SNX29: variants seen among roughly 807,000 people sequenced by gnomAD.
The protein encoded by SNX29 is sorting nexin 29.
A neutral mutation model predicts 102.1 loss-of-function variants in SNX29; 78 were observed. The ratio of observed to expected loss-of-function variants is 0.76; its 90% CI spans 0.64 to 0.92. The LOEUF (loss-of-function observed/expected upper bound fraction) is 0.92. Ranked by LOEUF, SNX29 falls within the 40% of genes least tolerant of loss-of-function variation. The probability of loss-of-function intolerance (pLI) is 0.00; values close to 1 mark genes in which losing one functional copy is unlikely to be tolerated. For missense variants in SNX29, 1,280 were observed against 1,061.7 expected (o/e 1.21, Z -2.86); for synonymous variants, 580 against 414.5 (o/e 1.40, Z -4.85).
rs1440923020 is a variant in SNX29 at position 12,550,460 on chromosome 16, G to GGGAGGT, written c.2319-18039_2319-18034dup. On this transcript the variant is annotated intron_variant, in intron 20 of 20. Transcript: ENST00000566228. ...TGAGGCAGGAGAATCACTTAAACCCGGGAGGTGGAGGTTGGAGTGAGCTGA... is the reference window on the plus strand; with the variant it reads ...TGAGGCAGGAGAATCACTTAAACCCGGGAGGTGGAGGTGGAGGTTGGAGTGAGCTGA... Among the ~76,000 whole-genome samples the GGGAGGT allele has an allele frequency of 1.1e-4, 17 of 151,798 alleles. No individual in the cohort carries two copies. In the East Asian group the frequency reaches 3.3e-3, roughly 30 times the overall value.
intron 16 of SNX29, among the ~76,000 whole-genome samples, chr16:12,378,552 G>A (rs773291143): frequency 2.0e-5 from 3 of 152,208 alleles, no homozygotes; most frequent in Non-Finnish European, 4.4e-5. Context: ...AAGAGGGTGA[G>A]TCAGGAGAAT....
intron 19 of SNX29, among the ~76,000 whole-genome samples, chr16:12,503,208 G>A (rs2089209696): frequency 6.6e-6 from 1 of 152,024 alleles, no homozygotes; most frequent in Non-Finnish European, 1.5e-5. Context: ...ACTCCTTCCA[G>A]TTCGTCCTCC....
intron 18 of SNX29, among the ~76,000 whole-genome samples, chr16:12,472,529 C>CAAAAAAAAAAAAAACAAAAAAAAAAAAA (rs1488378675): frequency 1.4e-5 from 1 of 72,940 alleles, no homozygotes; most frequent in Non-Finnish European, 3.3e-5. Context: ...AAAAAAAAAC[C>CAAAAAAAAAAAAAACAAAAAAAAAAAAA]AAAAAAAAAA....
Position 12,537,306 on chromosome 16 carries a change from T to G in SNX29, c.2318+12465T>G, listed in dbSNP as rs1285506266. ...AGTGTGGTACATGTTTGGATTTTAG[T>G]ATAGTGGCTAAGCCAAAGCTCTGTT... On this transcript the variant is annotated intron_variant, in intron 20 of 20. Coordinates refer to ENST00000566228, the MANE Select transcript of SNX29 (RefSeq NM_032167.5). 2.0e-5 allele frequency among the ~76,000 whole-genome samples: 3 copies of G among 152,228 alleles called. No homozygotes were observed. The East Asian group carries it at 5.8e-4, about 29-fold the overall frequency.
rs536460836 is a variant in SNX29, at chr16:12,547,986, G to T, written c.2319-20520G>T. Among the ~76,000 whole-genome samples, 4 of 152,216 alleles carry T rather than the reference G, an allele frequency of 2.6e-5. No individual in the cohort carries two copies. The South Asian group carries it at 6.2e-4, about 24-fold the overall frequency. The stretch of plus-strand genomic sequence containing the variant: ...CTTTTGGGAGACAGCATGGCACAGG[G>T]GTCTCGAGTGAACGTGGCATCCTGG... On this transcript the variant is annotated intron_variant, in intron 20 of 20. Transcript: ENST00000566228.
At chr16:12,231,591 G>T (rs539977257) in intron 14 of SNX29, among the ~76,000 whole-genome samples, 3 of 152,232 alleles carry the variant, frequency 2.0e-5, no homozygotes, top group Admixed American at 1.3e-4. Context: ...GTAAAATGCT[G>T]CAGGGAATGC....
At chr16:12,389,570 T>TA (rs1198933712) in intron 16 of SNX29, among the ~76,000 whole-genome samples, 8 of 152,306 alleles carry the variant, frequency 5.3e-5, no homozygotes, top group African/African-American at 1.9e-4. Flanking sequence ...CTTTCCTTTA[T>TA]AATTACCTTT....
chr16:12,571,692 G>C lies in SNX29; in HGVS notation c.*3063G>C, dbSNP rs552901073. 8 of 1,056,228 alleles carry C rather than the reference G, an allele frequency of 7.6e-6. No homozygotes were observed. Among genetic ancestry groups the C allele is most frequent in the Middle Eastern group, 4.2e-4 (1 of 2,368 alleles). 65.4% of individuals were successfully genotyped at this position (1,056,228 alleles called of 1,614,324 possible). Reference sequence around the variant, plus strand: ...TGGGCAGAGGTGTCTCTCCTTGAGAGACAACAAAAGCTTCTAAGGGAGGGA... The same window carrying C: ...TGGGCAGAGGTGTCTCTCCTTGAGACACAACAAAAGCTTCTAAGGGAGGGA... On this transcript the variant is annotated 3_prime_UTR_variant, in exon 21 of 21. Coordinates refer to ENST00000566228, the MANE Select transcript of SNX29 (RefSeq NM_032167.5).
At position 12,545,167 on chromosome 16, in the gene SNX29, C is replaced by CCCACCCCTTCCTTTTTT. The variant is rs1567685548; in HGVS notation, c.2318+20326_2318+20327insCCACCCCTTCCTTTTTT. Reference sequence around the variant, plus strand: ...TATGAAGTACAGACACTCTGCCAGCCGTCAGAGAAACAAATATGGTCAATA... The same window carrying CCCACCCCTTCCTTTTTT: ...TATGAAGTACAGACACTCTGCCAGCCCCACCCCTTCCTTTTTTGTCAGAGAAACAAATATGGTCAATA... On this transcript the variant is annotated intron_variant, in intron 20 of 20. Transcript: ENST00000566228. Among the ~76,000 whole-genome samples, 12 of 152,208 alleles carry CCCACCCCTTCCTTTTTT rather than the reference C, an allele frequency of 7.9e-5. No homozygotes were observed. In the South Asian group the frequency reaches 2.5e-3, roughly 32 times the overall value.
intron 13 of SNX29, among the ~76,000 whole-genome samples, chr16:12,162,116 A>G (rs2055811394): frequency 6.6e-6 from 1 of 152,136 alleles, no homozygotes; most frequent in Non-Finnish European, 1.5e-5. Context: ...GCTTTGACTG[A>G]AACACCAGGC....
chr16:12,455,851 C>T (rs1166317091), intron 18 of SNX29, among the ~76,000 whole-genome samples: 1 of 152,092 alleles, frequency 6.6e-6, no homozygotes, highest in Admixed American at 6.6e-5. Flanking sequence ...TTCCTGCTTG[C>T]CTTCTTGTTT....
chr16:12,568,706 A>G lies in SNX29; in HGVS notation c.*77A>G. ...CCCCAGCCACTGCCGCTGGCCCCTCACCTCAGCGTGACAACCACGTCCACC... is the reference window on the plus strand; with the variant it reads ...CCCCAGCCACTGCCGCTGGCCCCTCGCCTCAGCGTGACAACCACGTCCACC... On this transcript the variant is annotated 3_prime_UTR_variant, in exon 21 of 21. Transcript: ENST00000566228. 1 of 1,550,688 alleles carries G rather than the reference A, an allele frequency of 6.4e-7. No individual in the cohort carries two copies. The highest frequency in any genetic ancestry group is 8.7e-7 in the Non-Finnish European group (1 of 1,153,808).
chr16:12,009,538 C>T (rs1374987935), intron 3 of SNX29, among the ~76,000 whole-genome samples: 1 of 151,818 alleles, frequency 6.6e-6, no homozygotes, highest in Non-Finnish European at 1.5e-5. Flanking sequence ...ATGCTGCCAT[C>T]TTCACATGGA....
intron 11 of SNX29, among the ~76,000 whole-genome samples, chr16:12,086,583 A>G (rs1357874045): frequency 6.6e-6 from 1 of 151,732 alleles, no homozygotes; most frequent in Non-Finnish European, 1.5e-5. Context: ...GCTGTGTTTT[A>G]ATGCTTATTT....
At chr16:12,038,473 GA>G in intron 4 of SNX29, among the ~76,000 whole-genome samples, 1 of 152,340 alleles carries the variant, frequency 6.6e-6, no homozygotes, top group East Asian at 1.9e-4. Context: ...TGGAGAACCA[GA>G]AGCCCTTGCC....
At chr16:12,540,977 C>T (rs751659037) in intron 20 of SNX29, among the ~76,000 whole-genome samples, 9 of 152,162 alleles carry the variant, frequency 5.9e-5, no homozygotes, top group African/African-American at 1.2e-4. Context: ...GAGGATGCTA[C>T]AGGGGAAAAA....
chr16:12,198,008 G>A (rs1045834378), intron 13 of SNX29, among the ~76,000 whole-genome samples: 15 of 152,182 alleles, frequency 9.9e-5, no homozygotes, highest in South Asian at 2.1e-4. Context: ...AGTGTTTGGC[G>A]TATCTATAGT....
At chr16:12,226,083 T>C (rs1424084326) in intron 14 of SNX29, among the ~76,000 whole-genome samples, 1 of 152,238 alleles carries the variant, frequency 6.6e-6, no homozygotes, top group East Asian at 1.9e-4. Flanking sequence ...TTCCTAATAA[T>C]TAATCCTAGT....
chr16:12,364,660 A>T (rs1347819803), intron 16 of SNX29, among the ~76,000 whole-genome samples: 5 of 152,204 alleles, frequency 3.3e-5, no homozygotes, highest in Non-Finnish European at 7.3e-5. Context: ...CACTCATTAA[A>T]TGCAGTTTGT....
Sources: allele counts gnomAD v4.1 joint callset (sites outside exome capture counted in the v4.1 genomes callset), GRCh38; gene constraint gnomAD v4.1.1; transcripts MANE v1.5; gene names NCBI Gene and HGNC (gene_info 2026-07-23, HGNC 2026-07-21).